BST1: variants seen among roughly 807,000 people sequenced by gnomAD.
The protein encoded by BST1 is bone marrow stromal cell antigen 1.
Under a neutral mutation model 40.6 loss-of-function variants are expected in BST1, and 49 were observed. The observed-to-expected ratio is 1.21, with a 90% confidence interval of 0.96 to 1.53. The LOEUF (loss-of-function observed/expected upper bound fraction) is 1.53. BST1 is among the 40% of genes most tolerant of loss of function. The pLI is 0.00. For missense variants in BST1, 423 were observed against 395.9 expected, an observed-to-expected ratio of 1.07 and a Z score of -0.58; for synonymous variants, 157 against 159.3, an observed-to-expected ratio of 0.99 and a Z score of 0.11.
the BST1 span, among the ~76,000 whole-genome samples, chr4:15,745,118 A>T: frequency 2.3e-4 from 35 of 152,220 alleles, no homozygotes; most frequent in Admixed American, 9.8e-4. Context: ...TGATCAATAA[A>T]GAAGTTGCAA....
the BST1 span, among the ~76,000 whole-genome samples, chr4:15,753,105 G>C: frequency 5.9e-5 from 9 of 151,568 alleles, no homozygotes; most frequent in Non-Finnish European, 1.2e-4. Context: ...AAATCACTAA[G>C]AAGATAAAGT....
At chr4:15,736,076 T>C (rs1721550664), downstream of BST1, 2 of 1,288,750 alleles carry the variant, frequency 1.6e-6, no homozygotes, top group Admixed American at 2.3e-5. Flanking sequence ...TGTGGGACAT[T>C]AGGAGTGCGA....
chr4:15,755,674 C>A, the BST1 span, among the ~76,000 whole-genome samples: 2 of 152,112 alleles, frequency 1.3e-5, no homozygotes, highest in African/African-American at 4.8e-5. Context: ...AATGCTGAGT[C>A]CAGATGTCAC....
chr4:15,743,976 A>T, the BST1 span, among the ~76,000 whole-genome samples: 1 of 152,174 alleles, frequency 6.6e-6, no homozygotes, highest in East Asian at 1.9e-4. Context: ...GGCTATCTCC[A>T]TCACAGCTCC....
the BST1 span, among the ~76,000 whole-genome samples, chr4:15,747,223 G>A: frequency 6.6e-6 from 1 of 152,146 alleles, no homozygotes; most frequent in Non-Finnish European, 1.5e-5. Context: ...TGATTGTAAA[G>A]GTCAAGCAAT....
chr4:15,722,592 ATTTTTT>A (rs1012036868), intron 7 of BST1, among the ~76,000 whole-genome samples: 3 of 120,304 alleles, frequency 2.5e-5, no homozygotes, highest in Admixed American at 8.6e-5. Flanking sequence ...TAATTTTTAG[ATTTTTT>A]TTTTTTTTTT....
rs1348754309 is a variant in BST1 at position 15,707,533 on chromosome 4, A to G, written c.338A>G (p.His113Arg). The G allele has an allele frequency of 1.9e-6, 3 of 1,613,536 alleles. No homozygotes were observed. The highest frequency in any genetic ancestry group is 2.2e-5 in the South Asian group (2 of 91,036). Residue 113 changes from histidine (H) to arginine (R), a missense_variant, in exon 3 of 9, where the codon CAC becomes CGC. By Grantham distance (29) the His-to-Arg change is conservative. Coordinates refer to ENST00000265016, the MANE Select transcript of BST1 (RefSeq NM_004334.3). ...TAGTCCCTGTTCTGGGAAAATAGCC[A>G]CCTCCTTGTTAACAGCTTTGCAGAC... ...RDKSLFWENS[H>R]LLVNSFADNT...
In BST1 at chr4:15,731,907, C is replaced by G. The variant is rs1335420855; in HGVS notation, c.*62C>G. 3.6e-5 allele frequency: 56 copies of G among 1,561,872 alleles called. No individual in the cohort carries two copies. In the South Asian group the frequency reaches 4.8e-4, roughly 14 times the overall value. On this transcript the variant is annotated 3_prime_UTR_variant, in exon 9 of 9. Coordinates refer to ENST00000265016, the MANE Select transcript of BST1 (RefSeq NM_004334.3). The stretch of plus-strand genomic sequence containing the variant: ...GCAGCCTCCCCTTGCAGTCATCATT[C>G]GTGTTCTGTGTATACCAAATGATTC...
intron 1 of BST1, among the ~76,000 whole-genome samples, chr4:15,704,370 TG>T (rs762873963): frequency 7.2e-6 from 1 of 139,556 alleles, no homozygotes; most frequent in Non-Finnish European, 1.5e-5. Context: ...GTTCTAGAAG[TG>T]AGAGGTGTGT....
chr4:15,726,612 A>C (rs558638114), intron 8 of BST1, among the ~76,000 whole-genome samples: 1 of 152,326 alleles, frequency 6.6e-6, no homozygotes, highest in East Asian at 1.9e-4. Flanking sequence ...GAACCTCATA[A>C]GTCTTGGATA....
At chr4:15,707,898 T>TATAC (rs1240731388) in intron 3 of BST1, among the ~76,000 whole-genome samples, 3 of 149,786 alleles carry the variant, frequency 2.0e-5, no homozygotes, top group African/African-American at 7.3e-5. Context: ...CACATATATA[T>TATAC]ACATATCTAT....
intron 8 of BST1, among the ~76,000 whole-genome samples, chr4:15,724,779 C>T (rs1417717311): frequency 6.6e-6 from 1 of 152,184 alleles, no homozygotes; most frequent in Non-Finnish European, 1.5e-5. Context: ...AGTTCTTATT[C>T]TCTTTTTCAT....
At chr4:15,741,044 G>C (rs967288206), downstream of BST1, among the ~76,000 whole-genome samples, 1 of 152,024 alleles carries the variant, frequency 6.6e-6, no homozygotes, top group East Asian at 2.0e-4. Context: ...TGATGATATT[G>C]ATTAGGAGTC....
chr4:15,735,587 A>G (rs1721528614), downstream of BST1, among the ~76,000 whole-genome samples: 1 of 152,222 alleles, frequency 6.6e-6, no homozygotes, highest in Admixed American at 6.5e-5. Flanking sequence ...AGGGAAGATG[A>G]CAAGCAGCAT....
chr4:15,738,219 G>A (rs778816999), exon 7 of BST1: 40 of 166,032 alleles, frequency 2.4e-4, no homozygotes, highest in Non-Finnish European at 4.2e-4. Flanking sequence ...TATGTGTGGG[G>A]ACAGAGCGTA....
At chr4:15,745,857 T>C in the BST1 span, among the ~76,000 whole-genome samples, 1 of 152,328 alleles carries the variant, frequency 6.6e-6, no homozygotes, top group Admixed American at 6.5e-5. Context: ...TAATAAGGCA[T>C]CTCGAAGACT....
the BST1 span, among the ~76,000 whole-genome samples, chr4:15,748,162 C>G: frequency 6.6e-6 from 1 of 152,188 alleles, no homozygotes; most frequent in Non-Finnish European, 1.5e-5. Context: ...ATTATCAGTC[C>G]AACACCATTC....
chr4:15,745,974 A>G, the BST1 span, among the ~76,000 whole-genome samples: 8 of 152,368 alleles, frequency 5.3e-5, no homozygotes, highest in South Asian at 4.1e-4. Flanking sequence ...CTTTTAGACT[A>G]CATAGGGATA....
At chr4:15,756,781 T>C in the BST1 span, among the ~76,000 whole-genome samples, 2 of 152,188 alleles carry the variant, frequency 1.3e-5, no homozygotes, top group Admixed American at 6.5e-5. Flanking sequence ...GGCTGTGCAA[T>C]GGCCAGCCAT....
Sources: allele counts gnomAD v4.1 joint callset (sites outside exome capture counted in the v4.1 genomes callset), GRCh38; gene constraint gnomAD v4.1.1; transcripts MANE v1.5; gene names NCBI Gene and HGNC (gene_info 2026-07-23, HGNC 2026-07-21).